The following PLAC1 variants were observed in gnomAD, a reference collection of about 807,000 sequenced individuals.
PLAC1 encodes placenta-specific protein 1.
For synonymous variants in PLAC1, 68 were observed against 62.1 expected (o/e 1.09, Z -0.44); for missense variants, 136 against 163.2 (o/e 0.83, Z 0.91).
chrX:134,605,675 T>C (rs1226128855), intron 1 of PLAC1: 1 of 111,911 alleles, frequency 8.9e-6, no homozygotes, highest in African/African-American at 3.3e-5. Context: ...GGTGGCTCAG[T>C]ACCCTGCAGG....
intron 2 of PLAC1, among the ~76,000 whole-genome samples, chrX:134,693,268 C>T (rs2078550380): frequency 9.0e-6 from 1 of 111,539 alleles, no homozygotes; most frequent in Admixed American, 9.5e-5. Flanking sequence ...ACCCATATCT[C>T]ACCAAGTTCA....
intron 2 of PLAC1, among the ~76,000 whole-genome samples, chrX:134,677,004 GA>G (rs1200785168): frequency 8.9e-6 from 1 of 112,545 alleles, no homozygotes; most frequent in Admixed American, 9.4e-5. Context: ...AAAATACTTA[GA>G]ATAGTAGCAG....
intron 2 of PLAC1, among the ~76,000 whole-genome samples, chrX:134,702,914 T>C (rs1470312924): frequency 2.7e-5 from 3 of 112,287 alleles, no homozygotes; most frequent in Non-Finnish European, 3.8e-5. Flanking sequence ...GTAATTTAAA[T>C]AAATATTCTG....
At chrX:134,594,372 T>C in intron 2 of PLAC1, among the ~76,000 whole-genome samples, 1 of 111,887 alleles carries the variant, frequency 8.9e-6, no homozygotes, top group East Asian at 2.8e-4. Flanking sequence ...TTACTGTTTT[T>C]GCCTGATTTT....
chrX:134,636,750 T>C (rs2078285196), intron 1 of PLAC1, among the ~76,000 whole-genome samples: 1 of 112,361 alleles, frequency 8.9e-6, no homozygotes, highest in Non-Finnish European at 1.9e-5. Flanking sequence ...TCACGCTCCC[T>C]TGTGCTTGGG....
chrX:134,572,699 G>T (rs2077915263), intron 2 of PLAC1, among the ~76,000 whole-genome samples: 1 of 110,861 alleles, frequency 9.0e-6, no homozygotes, highest in South Asian at 3.8e-4. Flanking sequence ...AAAAAAGAAG[G>T]AAACACCCTT....
chrX:134,674,471 A>G (rs1243415204), intron 2 of PLAC1, among the ~76,000 whole-genome samples: 3 of 112,313 alleles, frequency 2.7e-5, no homozygotes, highest in Non-Finnish European at 5.6e-5. Context: ...TCACACAGGC[A>G]ATAAAAGAAG....
At chrX:134,640,921 G>A (rs1197595326) in intron 1 of PLAC1, among the ~76,000 whole-genome samples, 3 of 111,600 alleles carry the variant, frequency 2.7e-5, no homozygotes, top group Non-Finnish European at 5.6e-5. Flanking sequence ...AGACCAGCTT[G>A]GGCAACGTAG....
intron 2 of PLAC1, among the ~76,000 whole-genome samples, chrX:134,569,739 AGTGTGT>A (rs749953575): frequency 0.017 from 1,240 of 72,121 alleles, 24 homozygotes; most frequent in African/African-American, 0.05. Flanking sequence ...AGGGTAGAGT[AGTGTGT>A]GTGTGTGTGT....
intron 2 of PLAC1, among the ~76,000 whole-genome samples, chrX:134,730,971 C>T (rs1397377848): frequency 9.0e-6 from 1 of 111,371 alleles, no homozygotes; most frequent in Non-Finnish European, 1.9e-5. Flanking sequence ...CCTCTCATCT[C>T]CCTCAGCTTC....
chrX:134,704,281 GT>G (rs2078593679), intron 2 of PLAC1, among the ~76,000 whole-genome samples: 1 of 108,169 alleles, frequency 9.2e-6, no homozygotes, highest in Non-Finnish European at 1.9e-5. Context: ...ATCACTTGAG[GT>G]CAGGAATTCG....
At chrX:134,732,242 G>T (rs760770770) in intron 2 of PLAC1, among the ~76,000 whole-genome samples, 16 of 111,378 alleles carry the variant, frequency 1.4e-4, no homozygotes, top group Non-Finnish European at 2.4e-4. Context: ...AGAAGCCCAA[G>T]ATTAGGCCAT....
chrX:134,600,129 G>A (rs746416473), intron 2 of PLAC1, among the ~76,000 whole-genome samples: 3 of 110,273 alleles, frequency 2.7e-5, no homozygotes, highest in Non-Finnish European at 3.8e-5. Flanking sequence ...GGGCTCAAGC[G>A]ATCTTCCTGC....
At chrX:134,588,269 C>G (rs771101837) in intron 2 of PLAC1, among the ~76,000 whole-genome samples, 27 of 101,809 alleles carry the variant, frequency 2.7e-4, no homozygotes, top group Non-Finnish European at 4.8e-4. Context: ...ATCTTGCACC[C>G]TTTTTTTCTA....
chrX:134,641,848 A>T (rs1283711618), intron 1 of PLAC1, among the ~76,000 whole-genome samples: 1 of 112,358 alleles, frequency 8.9e-6, no homozygotes, highest in East Asian at 2.8e-4. Context: ...TTCAGTTCAC[A>T]TTCTCGAAAC....
At chrX:134,570,084 C>A (rs984625352) in intron 2 of PLAC1, among the ~76,000 whole-genome samples, 1 of 111,751 alleles carries the variant, frequency 8.9e-6, no homozygotes, top group Non-Finnish European at 1.9e-5. Context: ...CCTGCCTTGG[C>A]CTCCCAAAGT....
intron 2 of PLAC1, among the ~76,000 whole-genome samples, chrX:134,709,977 T>G (rs1000889635): frequency 9.0e-6 from 1 of 111,492 alleles, no homozygotes; most frequent in Non-Finnish European, 1.9e-5. Flanking sequence ...TAGAAAAGAC[T>G]GGTAAATGTG....
chrX:134,617,341 T>C (rs2078188857), intron 1 of PLAC1, among the ~76,000 whole-genome samples: 1 of 111,867 alleles, frequency 8.9e-6, no homozygotes, highest in African/African-American at 3.2e-5. Context: ...GTGGTTGCTC[T>C]GGCTAGTACT....
At chrX:134,615,277 G>A (rs757404251) in intron 1 of PLAC1, among the ~76,000 whole-genome samples, 5 of 111,959 alleles carry the variant, frequency 4.5e-5, no homozygotes, top group African/African-American at 1.6e-4. Context: ...CAACCTAACA[G>A]ATGTAGGGGA....
Sources: gnomAD v4.1 joint callset for allele counts (sites outside exome capture counted in the v4.1 genomes callset) on GRCh38, gnomAD v4.1.1 for gene constraint, MANE v1.5 for transcripts, NCBI Gene and HGNC (gene_info 2026-07-23, HGNC 2026-07-21) for gene names.